S100A7A: variants seen among roughly 807,000 people sequenced by gnomAD.
S100A7A encodes protein S100-A7A.
In S100A7A, 5 loss-of-function variants were observed where a neutral mutation model predicts 4.0. The ratio of observed to expected loss-of-function variants is 1.26; its 90% CI spans 0.66 to 2.66. The LOEUF (loss-of-function observed/expected upper bound fraction) is 2.66, where lower values mean the gene tolerates loss of function less well. S100A7A is among the 30% of genes most tolerant of loss of function. The pLI is 0.01. For synonymous variants in S100A7A, 52 were observed against 46.4 expected (o/e 1.12, Z -0.49); for missense variants, 159 against 125.1 (o/e 1.27, Z -1.29).
At position 153,422,432 on chromosome 1, in the gene S100A7A, A is replaced by C. The variant is rs1447808518; in HGVS notation, c.*3123A>C. On this transcript the variant is annotated 3_prime_UTR_variant, in exon 3 of 3. Coordinates refer to ENST00000368729, the MANE Select transcript of S100A7A (RefSeq NM_176823.4). ...CTAACACATACTAGAGCAAGAATTTACTTGATTTGGAATAATTAATAGCTA... is the reference window on the plus strand; with the variant it reads ...CTAACACATACTAGAGCAAGAATTTCCTTGATTTGGAATAATTAATAGCTA... 5 of 825,564 alleles carry C rather than the reference A, an allele frequency of 6.1e-6. No homozygotes were observed. Among genetic ancestry groups the C allele is most frequent in the Non-Finnish European group, 7.3e-6 (5 of 684,304 alleles). The allele number at this position is 825,564 out of a possible 1,614,324, so 51.1% of individuals were successfully genotyped here.
At position 153,419,364 on chromosome 1, in the gene S100A7A, C is replaced by G; in HGVS notation, c.*55C>G. 6.6e-7 allele frequency: 1 copy of G among 1,522,458 alleles called. No individual in the cohort carries two copies. The highest frequency in any genetic ancestry group is 8.9e-7 in the Non-Finnish European group (1 of 1,119,446). 94.3% of individuals were successfully genotyped at this position (1,522,458 alleles called of 1,614,324 possible). Reference sequence around the variant, plus strand: ...CCCAGGAACAATAAGTGTCTCCTCCCACCAGACACTTGCCTTATTTCTTCT... The same window carrying G: ...CCCAGGAACAATAAGTGTCTCCTCCGACCAGACACTTGCCTTATTTCTTCT... On this transcript the variant is annotated 3_prime_UTR_variant, in exon 3 of 3. Transcript: ENST00000368729.
chr1:153,416,607 G>T, intron 1 of S100A7A, 44 bp downstream of exon 1: 1 of 444,892 alleles, frequency 2.2e-6, no homozygotes, highest in Admixed American at 2.6e-5. Flanking sequence ...AGTGCCCAGT[G>T]CCCAGCCTGC....
Position 153,419,216 on chromosome 1 carries a change from T to A in S100A7A, c.213T>A (p.Asp71Glu), listed in dbSNP as rs141793802. 1 of 1,614,156 alleles carries A rather than the reference T, an allele frequency of 6.2e-7. No individual in the cohort carries two copies. The highest frequency in any genetic ancestry group is 1.1e-5 in the South Asian group (1 of 91,082). The change falls in exon 3 of 3, where the codon GAT becomes GAA. Residue 71 changes from aspartate (D) to glutamate (E), a missense_variant. Coordinates refer to ENST00000368729, the MANE Select transcript of S100A7A (RefSeq NM_176823.4). Reference protein sequence around the residue: ...KKDKNEDKKIDFSEFLSLLGD... With the variant: ...KKDKNEDKKIEFSEFLSLLGD... ...ACAAGAATGAGGATAAGAAGATTGA[T>A]TTTTCTGAGTTTCTGTCCTTGCTGG... is the stretch of plus-strand genomic sequence containing the variant.
At chr1:153,416,611 A>T in intron 1 of S100A7A, 48 bp downstream of exon 1, 1 of 445,086 alleles carries the variant, frequency 2.2e-6, no homozygotes, top group Non-Finnish European at 4.5e-6. Flanking sequence ...CCCAGTGCCC[A>T]GCCTGCCATG....
chr1:153,417,440 T>C (rs1476196787), intron 1 of S100A7A, among the ~76,000 whole-genome samples: 3 of 152,134 alleles, frequency 2.0e-5, no homozygotes, highest in Non-Finnish European at 4.4e-5. Context: ...GCAATTCTTG[T>C]TTCTCATTCC....
Position 153,419,513 on chromosome 1 carries a change from G to A in S100A7A, c.*204G>A, listed in dbSNP as rs1201907381. 12 of 616,172 alleles carry A rather than the reference G, an allele frequency of 1.9e-5. No homozygotes were observed. In the South Asian group the frequency reaches 2.5e-4, roughly 13 times the overall value. The allele number at this position is 616,172 out of a possible 1,614,324, so 38.2% of individuals were successfully genotyped here. A position where few individuals can be genotyped will look rare whatever the true frequency, so the allele number is the denominator to read the frequency against. ...TCCCTCCAGCAACGTTCCCCCTATG[G>A]CCTCCAGCAGAGCTGATCTGCCTCT... On this transcript the variant is annotated 3_prime_UTR_variant, in exon 3 of 3. Coordinates refer to ENST00000368729, the MANE Select transcript of S100A7A (RefSeq NM_176823.4).
intron 1 of S100A7A, 150 bp from the exon 2 acceptor site, chr1:153,417,913 GAAC>G: frequency 2.1e-6 from 2 of 965,400 alleles, no homozygotes; most frequent in Non-Finnish European, 1.5e-6. Context: ...TCTCATTTTT[GAAC>G]AACTTATCCC....
chr1:153,416,677 C>T, intron 1 of S100A7A, 114 bp downstream of exon 1: 1 of 296,574 alleles, frequency 3.4e-6, no homozygotes, highest in South Asian at 3.7e-5. Flanking sequence ...TGGGTCTAGG[C>T]CAGCTCTGCC....
chr1:153,417,745 T>TG (rs147106998), intron 1 of S100A7A, among the ~76,000 whole-genome samples: 1,638 of 152,278 alleles, frequency 0.011, 31 homozygotes, highest in African/African-American at 0.037. Flanking sequence ...TGGTTGAGGC[T>TG]GGGGGGTCCC....
In S100A7A at chr1:153,418,150, G is replaced by T; in HGVS notation, c.68G>T (p.Arg23Leu). The change falls in exon 2 of 3, where the codon CGT (arginine) becomes CTT (leucine). Residue 23 changes from arginine to leucine, a missense_variant. Arg to Leu is a moderately radical substitution (Grantham distance 102). Transcript: ENST00000368729. The part of the protein sequence containing the change: ...MIDMFHKYTG[R>L]DGKIEKPSLL... ...GACATGTTTCACAAATACACCGGACGTGATGGCAAGATTGAGAAGCCAAGC... is the reference window on the plus strand; with the variant it reads ...GACATGTTTCACAAATACACCGGACTTGATGGCAAGATTGAGAAGCCAAGC... The T allele has an allele frequency of 1.2e-6, 2 of 1,614,040 alleles. No individual in the cohort carries two copies. The highest frequency in any genetic ancestry group is 1.7e-6 in the Non-Finnish European group (2 of 1,179,952).
Position 153,419,362 on chromosome 1 carries a change from C to G in S100A7A, c.*53C>G. 1 of 1,531,148 alleles carries G rather than the reference C, an allele frequency of 6.5e-7. No homozygotes were observed. Among genetic ancestry groups the G allele is most frequent in the Non-Finnish European group, 8.9e-7 (1 of 1,125,128 alleles). 94.8% of individuals were successfully genotyped at this position (1,531,148 alleles called of 1,614,324 possible). On this transcript the variant is annotated 3_prime_UTR_variant, in exon 3 of 3. Transcript: ENST00000368729. The stretch of plus-strand genomic sequence containing the variant: ...ACCCCAGGAACAATAAGTGTCTCCT[C>G]CCACCAGACACTTGCCTTATTTCTT...
At position 153,422,023 on chromosome 1, in the gene S100A7A, A is replaced by G. The variant is rs1016875577; in HGVS notation, c.*2714A>G. 2 of 152,206 alleles carry G rather than the reference A, an allele frequency of 1.3e-5. No individual in the cohort carries two copies. The highest frequency in any genetic ancestry group is 2.4e-5 in the African/African-American group (1 of 41,436). 9.4% of individuals were successfully genotyped at this position (152,206 alleles called of 1,614,324 possible). A position where few individuals can be genotyped will look rare whatever the true frequency, so the allele number is the denominator to read the frequency against. On this transcript the variant is annotated 3_prime_UTR_variant, in exon 3 of 3. Transcript: ENST00000368729. ...ATTCGGATATTCTGTTTACACACCC[A>G]TGTCATCCCAGAGAGGTGATCACAG...
Position 153,422,386 on chromosome 1 carries a change from G to A in S100A7A, c.*3077G>A, listed in dbSNP as rs1662920680. 2.3e-6 allele frequency: 1 copy of A among 425,850 alleles called. No individual in the cohort carries two copies. The highest frequency in any genetic ancestry group is 3.1e-6 in the Non-Finnish European group (1 of 318,644). 26.4% of individuals were successfully genotyped at this position (425,850 alleles called of 1,614,324 possible). ...AGGGCACAGGTATTAGTGTCATATT[G>A]ATCAGAATTCAACCTTTGTTCTAAC... is the stretch of plus-strand genomic sequence containing the variant. On this transcript the variant is annotated 3_prime_UTR_variant, in exon 3 of 3. Coordinates refer to ENST00000368729, the MANE Select transcript of S100A7A (RefSeq NM_176823.4).
At chr1:153,418,468 G>C (rs61803120) in intron 2 of S100A7A, among the ~76,000 whole-genome samples, 1 of 152,176 alleles carries the variant, frequency 6.6e-6, no homozygotes, top group Non-Finnish European at 1.5e-5. Context: ...TGCAGCTTGA[G>C]GACAGTGCAC....
rs1237418993 is a variant in S100A7A at position 153,420,115 on chromosome 1, AC to A, written c.*807del. 6.6e-6 allele frequency: 1 copy of A among 152,242 alleles called. No individual in the cohort carries two copies. The highest frequency in any genetic ancestry group is 1.5e-5 in the Non-Finnish European group (1 of 68,058). 9.4% of individuals were successfully genotyped at this position (152,242 alleles called of 1,614,324 possible). ...AGTCTGGCTGGAATAAGGCAGCATC[AC>A]GGAAATTCTGTAAGGACTGACACAG... On this transcript the variant is annotated 3_prime_UTR_variant, in exon 3 of 3. Transcript: ENST00000368729.
chr1:153,416,865 G>A (rs1442781972), intron 1 of S100A7A, among the ~76,000 whole-genome samples: 1 of 152,186 alleles, frequency 6.6e-6, no homozygotes, highest in African/African-American at 2.4e-5. Context: ...CTTCCTCCCT[G>A]GATTCATTCT....
chr1:153,419,161 A>C lies in S100A7A; in HGVS notation c.158A>C (p.His53Pro), dbSNP rs769688385. 6.2e-7 allele frequency: 1 copy of C among 1,613,996 alleles called. No homozygotes were observed. Among genetic ancestry groups the C allele is most frequent in the Admixed American group, 1.7e-5 (1 of 59,976 alleles). Reference sequence around the variant, plus strand: ...TCTTCACAGGACAAAAAGGGCATACATTACCTCGCCACTGTCTTTGAGAAA... The same window carrying C: ...TCTTCACAGGACAAAAAGGGCATACCTTACCTCGCCACTGTCTTTGAGAAA... ...FLSACDKKGI[H>P]YLATVFEKKD... Residue 53 changes from histidine (H) to proline (P), a missense_variant, in exon 3 of 3, where the codon CAT (histidine) becomes CCT (proline). Physicochemically the swap from His to Pro is moderately conservative, Grantham distance 77. Coordinates refer to ENST00000368729, the MANE Select transcript of S100A7A (RefSeq NM_176823.4).
In S100A7A at chr1:153,419,172, A is replaced by G. The variant is rs766079543; in HGVS notation, c.169A>G (p.Thr57Ala). ...CDKKGIHYLATVFEKKDKNED... is the reference protein window; with the variant it reads ...CDKKGIHYLAAVFEKKDKNED... Reference sequence around the variant, plus strand: ...CAAAAAGGGCATACATTACCTCGCCACTGTCTTTGAGAAAAAGGACAAGAA... The same window carrying G: ...CAAAAAGGGCATACATTACCTCGCCGCTGTCTTTGAGAAAAAGGACAAGAA... Residue 57 changes from threonine to alanine, a missense_variant, in exon 3 of 3, where the codon ACT becomes GCT. Physicochemically the swap from Thr to Ala is moderately conservative, Grantham distance 58 (BLOSUM62 0). Transcript: ENST00000368729. The G allele has an allele frequency of 8.1e-5, 130 of 1,614,124 alleles. No individual in the cohort carries two copies. Among genetic ancestry groups the G allele is most frequent in the Admixed American group, 1.8e-4 (11 of 60,014 alleles).
rs888643745 is a variant in S100A7A, at chr1:153,421,169, C to T, written c.*1860C>T. ...CCAATCTTTTAAACTACTGCCTCTA[C>T]CAGAAATGTCTTTTAATACTTCTTC... is the stretch of plus-strand genomic sequence containing the variant. On this transcript the variant is annotated 3_prime_UTR_variant, in exon 3 of 3. Transcript: ENST00000368729. The T allele has an allele frequency of 6.6e-6, 1 of 152,218 alleles. No individual in the cohort carries two copies. The highest frequency in any genetic ancestry group is 2.4e-5 in the African/African-American group (1 of 41,448). 9.4% of individuals were successfully genotyped at this position (152,218 alleles called of 1,614,324 possible).
Sources: gnomAD v4.1 joint callset for allele counts (sites outside exome capture counted in the v4.1 genomes callset) on GRCh38, gnomAD v4.1.1 for gene constraint, MANE v1.5 for transcripts, NCBI Gene and HGNC (gene_info 2026-07-23, HGNC 2026-07-21) for gene names.